The following GRIN2A variants were observed in gnomAD, a reference collection of about 807,000 sequenced individuals.
GRIN2A encodes the protein glutamate ionotropic receptor NMDA type subunit 2A, also known as glutamate receptor ionotropic, NMDA 2A.
GRIN2A carries 22 observed loss-of-function variants against 113.4 expected under a neutral mutation model. The ratio of observed to expected loss-of-function variants is 0.19; its 90% CI spans 0.14 to 0.28. The LOEUF is 0.28. Ranked by LOEUF, GRIN2A falls within the 10% of genes least tolerant of loss-of-function variation. The probability of loss-of-function intolerance (pLI) is 1.00; values close to 1 mark genes in which losing one functional copy is unlikely to be tolerated. For synonymous variants in GRIN2A, 827 were observed against 738.4 expected (o/e 1.12, Z -1.94); for missense variants, 1,502 against 1,887.0 (o/e 0.80, Z 3.78).
At position 10,107,690 on chromosome 16, in the gene GRIN2A, C is replaced by T. The variant is rs529555039; in HGVS notation, c.414+72308G>A. Among the ~76,000 whole-genome samples, 18 of 152,294 alleles carry T rather than the reference C, an allele frequency of 1.2e-4. No homozygotes were observed. The South Asian group carries it at 3.5e-3, about 30-fold the overall frequency. On this transcript the variant is annotated intron_variant, in intron 2 of 12. Coordinates refer to ENST00000330684, the MANE Select transcript of GRIN2A (RefSeq NM_001134407.3). ...GGAATCCCAGCAGTTTAGAAGATTC[C>T]TGAAAGGGAAAGGAGCAGCTCACCT...
chr16:9,981,963 T>G (rs2045900089), intron 2 of GRIN2A, among the ~76,000 whole-genome samples: 1 of 152,028 alleles, frequency 6.6e-6, no homozygotes. Context: ...ATTTTTGTAT[T>G]TTTAGTAGAG....
chr16:9,901,573 C>A (rs1368553667), intron 3 of GRIN2A, among the ~76,000 whole-genome samples: 1 of 152,054 alleles, frequency 6.6e-6, no homozygotes, highest in African/African-American at 2.4e-5. Context: ...GATTCTCGTG[C>A]CTCAGCCTCC....
chr16:9,957,700 G>T (rs148356536), intron 2 of GRIN2A, among the ~76,000 whole-genome samples: 16 of 152,238 alleles, frequency 1.1e-4, no homozygotes, highest in African/African-American at 3.9e-4. Flanking sequence ...ACGTCAAAAT[G>T]GGGCTATCTC....
At chr16:10,132,360 A>AAAAAAAAAAAAAAAAAAAAAT (rs2049083784) in intron 2 of GRIN2A, among the ~76,000 whole-genome samples, 1 of 149,330 alleles carries the variant, frequency 6.7e-6, no homozygotes, top group Non-Finnish European at 1.5e-5. Context: ...AAAAAAAAAG[A>AAAAAAAAAAAAAAAAAAAAAT]TGTGAAATAA....
At chr16:9,845,156 C>CA (rs1009232474) in intron 5 of GRIN2A, among the ~76,000 whole-genome samples, 1 of 152,190 alleles carries the variant, frequency 6.6e-6, no homozygotes, top group South Asian at 2.1e-4. Flanking sequence ...CTCATATCCC[C>CA]AAGCGGAAGA....
At chr16:9,892,066 T>C (rs1176269254) in intron 3 of GRIN2A, among the ~76,000 whole-genome samples, 2 of 151,960 alleles carry the variant, frequency 1.3e-5, no homozygotes, top group African/African-American at 4.8e-5. Flanking sequence ...CCGTCTCTAC[T>C]AAAAATACAA....
intron 11 of GRIN2A, among the ~76,000 whole-genome samples, chr16:9,775,568 CA>C (rs1901543227): frequency 6.6e-6 from 1 of 152,096 alleles, no homozygotes; most frequent in African/African-American, 2.4e-5. Flanking sequence ...GGGCTGGAGG[CA>C]GGAAGAAACA....
chr16:10,054,823 G>A (rs554018204), intron 2 of GRIN2A, among the ~76,000 whole-genome samples: 5 of 151,772 alleles, frequency 3.3e-5, no homozygotes, highest in East Asian at 3.9e-4. Flanking sequence ...CGAGGTGGGC[G>A]GATCATGAGG....
intron 2 of GRIN2A, among the ~76,000 whole-genome samples, chr16:9,983,037 A>G (rs966240004): frequency 3.3e-5 from 5 of 152,194 alleles, no homozygotes; most frequent in African/African-American, 4.8e-5. Flanking sequence ...TGATACTTCA[A>G]TACATGTATA....
intron 10 of GRIN2A, among the ~76,000 whole-genome samples, chr16:9,802,926 G>A (rs1903453507): frequency 6.6e-6 from 1 of 152,158 alleles, no homozygotes; most frequent in South Asian, 2.1e-4. Flanking sequence ...GGCTTAGGGA[G>A]CAGGACTCTG....
At chr16:10,139,811 G>A (rs1389285385) in intron 2 of GRIN2A, among the ~76,000 whole-genome samples, 2 of 150,418 alleles carry the variant, frequency 1.3e-5, no homozygotes, top group Non-Finnish European at 3.0e-5. Context: ...AATATGTGCA[G>A]AACCCAGAGA....
chr16:10,015,264 A>AAAAAAAC (rs2046584340), intron 2 of GRIN2A, among the ~76,000 whole-genome samples: 1 of 134,598 alleles, frequency 7.4e-6, no homozygotes, highest in Admixed American at 7.6e-5. Context: ...AAAAAAAAAA[A>AAAAAAAC]AAAAAAAGAA....
At chr16:9,766,680 C>A (rs982513451) in intron 12 of GRIN2A, among the ~76,000 whole-genome samples, 1 of 152,194 alleles carries the variant, frequency 6.6e-6, no homozygotes, top group Non-Finnish European at 1.5e-5. Flanking sequence ...TACAAATGAG[C>A]CACTGCGCTC....
At chr16:10,161,399 G>A (rs1178213516) in intron 2 of GRIN2A, among the ~76,000 whole-genome samples, 1 of 152,094 alleles carries the variant, frequency 6.6e-6, no homozygotes, top group Non-Finnish European at 1.5e-5. Flanking sequence ...GTGTGAGAAC[G>A]AACTAATACA....
At chr16:9,808,481 T>C (rs1167250491) in intron 10 of GRIN2A, among the ~76,000 whole-genome samples, 1 of 152,106 alleles carries the variant, frequency 6.6e-6, no homozygotes, top group Non-Finnish European at 1.5e-5. Context: ...AAAGAGAGAT[T>C]CCGAAAAACA....
chr16:10,141,474 C>T (rs1000506425), intron 2 of GRIN2A, among the ~76,000 whole-genome samples: 4 of 151,994 alleles, frequency 2.6e-5, no homozygotes, highest in African/African-American at 7.3e-5. Flanking sequence ...GGCAACAGAG[C>T]GAGACTCCAT....
At chr16:9,846,099 A>T (rs2042767569) in intron 5 of GRIN2A, among the ~76,000 whole-genome samples, 1 of 152,238 alleles carries the variant, frequency 6.6e-6, no homozygotes, top group African/African-American at 2.4e-5. Context: ...TCATTAAAAC[A>T]TTCCTGACCC....
In GRIN2A at chr16:9,757,698, C is replaced by G. The variant is rs1285415391; in HGVS notation, c.*5451G>C. 1 of 218,466 alleles carries G rather than the reference C, an allele frequency of 4.6e-6. No individual in the cohort carries two copies. Among genetic ancestry groups the G allele is most frequent in the Non-Finnish European group, 9.2e-6 (1 of 108,730 alleles). 13.5% of individuals were successfully genotyped at this position (218,466 alleles called of 1,614,324 possible). A position where few individuals can be genotyped will look rare whatever the true frequency, so the allele number is the denominator to read the frequency against. ...CCTCAATTATTTCAATGGTCACTGC[C>G]AGCCTTTTATCTTCAGTTTGAGGTT... On this transcript the variant is annotated 3_prime_UTR_variant, in exon 13 of 13. Coordinates refer to ENST00000330684, the MANE Select transcript of GRIN2A (RefSeq NM_001134407.3).
chr16:9,802,569 C>T (rs8053228), intron 10 of GRIN2A, among the ~76,000 whole-genome samples: 49,085 of 152,058 alleles, frequency 0.32, 8,048 homozygotes, highest in African/African-American at 0.38. Flanking sequence ...CCCACTGAGG[C>T]CTCACAACTG....
Sources: gnomAD v4.1 joint callset for allele counts (sites outside exome capture counted in the v4.1 genomes callset) on GRCh38, gnomAD v4.1.1 for gene constraint, MANE v1.5 for transcripts, NCBI Gene and HGNC (gene_info 2026-07-23, HGNC 2026-07-21) for gene names.